SUPT7L: variants seen among roughly 807,000 people sequenced by gnomAD.
SUPT7L encodes STAGA complex 65 subunit gamma.
A neutral mutation model predicts 35.7 loss-of-function variants in SUPT7L; 15 were observed. The ratio of observed to expected loss-of-function variants is 0.42; its 90% confidence interval spans 0.28 to 0.65. The LOEUF (loss-of-function observed/expected upper bound fraction) is 0.65. Among genes scored for constraint, SUPT7L ranks in the 30% least tolerant of loss-of-function variants. The pLI is 0.23. For synonymous variants in SUPT7L, 168 were observed against 186.2 expected, an observed-to-expected ratio of 0.90 and a Z score of 0.79; for missense variants, 434 against 522.2, an observed-to-expected ratio of 0.83 and a Z score of 1.65.
downstream of SUPT7L, among the ~76,000 whole-genome samples, chr2:27,649,781 T>C (rs1288945582): frequency 1.3e-5 from 2 of 152,224 alleles, no homozygotes; most frequent in South Asian, 2.1e-4. Context: ...TGGACTGATA[T>C]TTGGGTAGAT....
At chr2:27,643,145 G>GT in the SUPT7L span, among the ~76,000 whole-genome samples, 13 of 148,590 alleles carry the variant, frequency 8.7e-5, no homozygotes, top group African/African-American at 3.2e-4. The surrounding 1 kb of genome is among the most constrained non-coding windows in gnomAD (Gnocchi z 4.0). Flanking sequence ...GGTTTTTTTT[G>GT]TTTGTTTCTA....
At chr2:27,656,479 G>A (rs763007698) in intron 4 of SUPT7L, among the ~76,000 whole-genome samples, 7 of 152,118 alleles carry the variant, frequency 4.6e-5, no homozygotes, top group Non-Finnish European at 7.3e-5. Flanking sequence ...GTCTTGCTAT[G>A]TTGCCCAGGC....
rs773451475 is a variant in SUPT7L, at chr2:27,657,541, G to A, written c.548C>T (p.Thr183Ile). The change falls in exon 4 of 6, where the codon ACT becomes ATT. Residue 183 changes from threonine to isoleucine, a missense_variant. By Grantham distance (89) the Thr-to-Ile change is moderately conservative (BLOSUM62 -1). Transcript: ENST00000337768. This position sits in a 1 kb window ranked among gnomAD's most constrained non-coding sequence, Gnocchi z 5.2. Reference sequence around the variant, plus strand: ...AAGGCAATACTCATGTGCCACATCAGTTAGGGTCTCCAGGACACTCTCATT... The same window carrying A: ...AAGGCAATACTCATGTGCCACATCAATTAGGGTCTCCAGGACACTCTCATT... ...CANESVLETL[T>I]DVAHEYCLKF... 13 of 1,614,144 alleles carry A rather than the reference G, an allele frequency of 8.1e-6. No individual in the cohort carries two copies. Among genetic ancestry groups the A allele is most frequent in the African/African-American group, 1.3e-5 (1 of 74,956 alleles).
At chr2:27,658,811 T>A (rs905763562) in intron 3 of SUPT7L, among the ~76,000 whole-genome samples, 4 of 152,244 alleles carry the variant, frequency 2.6e-5, no homozygotes, top group Admixed American at 2.0e-4. Context: ...AAAGGCCTCA[T>A]AAGTACCTAA....
At chr2:27,646,149 G>A (rs1674217117), downstream of SUPT7L, among the ~76,000 whole-genome samples, 1 of 152,050 alleles carries the variant, frequency 6.6e-6, no homozygotes, top group Admixed American at 6.5e-5. Context: ...TCAAGCGATT[G>A]TTGTGCCTCA....
rs1674565545 is a variant in SUPT7L, at chr2:27,651,753, A to ATGTT, written c.*1728_*1731dup. On this transcript the variant is annotated 3_prime_UTR_variant, in exon 6 of 6. Transcript: ENST00000337768. ...GGACCTAGCAAATAATTGGTACTCAATGTTTGCTGGATGAATGAACTAAAT... is the reference window on the plus strand; with the variant it reads ...GGACCTAGCAAATAATTGGTACTCAATGTTTGTTTGCTGGATGAATGAACTAAAT... 1 of 152,236 alleles carries ATGTT rather than the reference A, an allele frequency of 6.6e-6. No individual in the cohort carries two copies. Among genetic ancestry groups the ATGTT allele is most frequent in the African/African-American group, 2.4e-5 (1 of 41,468 alleles). 9.4% of individuals were successfully genotyped at this position (152,236 alleles called of 1,614,324 possible). A position where few individuals can be genotyped will look rare whatever the true frequency, so the allele number is the denominator to read the frequency against.
chr2:27,647,351 C>G (rs1674286064), downstream of SUPT7L, among the ~76,000 whole-genome samples: 1 of 152,132 alleles, frequency 6.6e-6, no homozygotes, highest in Non-Finnish European at 1.5e-5. Flanking sequence ...TTTTTCCCCT[C>G]CCTCCTCTTC....
chr2:27,648,281 A>C (rs1253807231), downstream of SUPT7L, among the ~76,000 whole-genome samples: 1 of 152,160 alleles, frequency 6.6e-6, no homozygotes, highest in Admixed American at 6.5e-5. Flanking sequence ...CTGCTTTGGG[A>C]GGCCAAGTCA....
rs991538706 is a variant in SUPT7L at position 27,653,325 on chromosome 2, T to A, written c.*160A>T. On this transcript the variant is annotated 3_prime_UTR_variant, in exon 6 of 6. Transcript: ENST00000337768. ...ATAAAAACTGGATGCAAAAGTAAAA[T>A]GCAACCTTGTTTGGTGACGTCCAGT... 104 of 1,056,908 alleles carry A rather than the reference T, an allele frequency of 9.8e-5. No individual in the cohort carries two copies. The highest frequency in any genetic ancestry group is 1.3e-4 in the Non-Finnish European group (100 of 748,986). The allele number at this position is 1,056,908 out of a possible 1,614,324, so 65.5% of individuals were successfully genotyped here. A position where few individuals can be genotyped will look rare whatever the true frequency, so the allele number is the denominator to read the frequency against.
chr2:27,655,679 A>G, intron 4 of SUPT7L, 77 bp from the exon 5 acceptor site: 1 of 1,230,564 alleles, frequency 8.1e-7, no homozygotes, highest in Non-Finnish European at 1.1e-6. Context: ...CGTCCCATGG[A>G]AAAGCCAACA....
At chr2:27,649,845 A>G (rs2148097195), downstream of SUPT7L, among the ~76,000 whole-genome samples, 1 of 152,314 alleles carries the variant, frequency 6.6e-6, no homozygotes, top group East Asian at 1.9e-4. Flanking sequence ...ATCTTTGTGT[A>G]GACGTATGTT....
Position 27,661,819 on chromosome 2 carries a change from A to C in SUPT7L, c.14+360T>G, listed in dbSNP as rs1675124318. The stretch of plus-strand genomic sequence containing the variant: ...TCCTGAACAATAAGCAAGGCATGAT[A>C]AGGTATCTTGATACATCTGTGCTGG... On this transcript the variant is annotated intron_variant, in intron 2 of 5. Transcript: ENST00000337768. The C allele has an allele frequency of 7.7e-6, 3 of 390,546 alleles. No individual in the cohort carries two copies. In the East Asian group the frequency reaches 1.9e-4, roughly 24 times the overall value. The allele number at this position is 390,546 out of a possible 1,614,324, so 24.2% of individuals were successfully genotyped here. A position where few individuals can be genotyped will look rare whatever the true frequency, so the allele number is the denominator to read the frequency against.
intron 2 of SUPT7L, chr2:27,661,639 GTTATTGTCATAC>G: frequency 7.4e-7 from 1 of 1,348,786 alleles, no homozygotes; most frequent in East Asian, 3.1e-5. Context: ...TTAGATGCTG[GTTATTGTCATAC>G]TATGACAATT....
chr2:27,662,668 A>C (rs1675170407), intron 1 of SUPT7L, among the ~76,000 whole-genome samples: 1 of 152,194 alleles, frequency 6.6e-6, no homozygotes, highest in Non-Finnish European at 1.5e-5. Context: ...ACTTATCGCA[A>C]TAGATTTTTT....
intron 3 of SUPT7L, among the ~76,000 whole-genome samples, chr2:27,658,939 T>A (rs556477948): frequency 6.6e-6 from 1 of 152,352 alleles, no homozygotes; most frequent in African/African-American, 2.4e-5. Context: ...TTATACAGTT[T>A]CCTAAATATG....
rs1379417732 is a variant in SUPT7L at position 27,651,558 on chromosome 2, T to C, written c.*1927A>G. On this transcript the variant is annotated 3_prime_UTR_variant, in exon 6 of 6. Transcript: ENST00000337768. The stretch of plus-strand genomic sequence containing the variant: ...TAGTGGGAACCACTGGTCTCAAAAT[T>C]TGAAGCTATTCTTTAAGAGGAGAAC... 2.6e-5 allele frequency: 4 copies of C among 152,266 alleles called. No individual in the cohort carries two copies. In the East Asian group the frequency reaches 5.8e-4, roughly 22 times the overall value. The allele number at this position is 152,266 out of a possible 1,614,324, so 9.4% of individuals were successfully genotyped here.
At chr2:27,658,759 A>G (rs1674914176) in intron 3 of SUPT7L, among the ~76,000 whole-genome samples, 1 of 152,186 alleles carries the variant, frequency 6.6e-6, no homozygotes, top group Non-Finnish European at 1.5e-5. Context: ...TTCATTTACT[A>G]TCTTCATCAT....
downstream of SUPT7L, chr2:27,650,791 TAATG>T (rs2148100071): frequency 6.5e-6 from 1 of 152,920 alleles, no homozygotes; most frequent in South Asian, 2.1e-4. Context: ...AAGACATGAT[TAATG>T]AATCAGAATC....
chr2:27,655,579 T>G lies in SUPT7L; in HGVS notation c.768A>C (p.Glu256Asp), dbSNP rs746021382. Residue 256 changes from glutamate (E) to aspartate (D), a missense_variant, in exon 5 of 6, where the codon GAA becomes GAC. Around this residue, in one of 3 missense-constraint regions of SUPT7L, gnomAD observed 159 missense variants for 217.1 expected, o/e 0.73. Coordinates refer to ENST00000337768, the MANE Select transcript of SUPT7L (RefSeq NM_014860.3). Reference sequence around the variant, plus strand: ...TCTCAGGATTGACAATCCTTTCATATTCTTCAGAGAGTTGCTTACTAATCT... The same window carrying G: ...TCTCAGGATTGACAATCCTTTCATAGTCTTCAGAGAGTTGCTTACTAATCT... ...MLQISKQLSEEYERIVNPEKA... is the reference protein window; with the variant it reads ...MLQISKQLSEDYERIVNPEKA... The G allele has an allele frequency of 5.6e-6, 9 of 1,602,198 alleles. No homozygotes were observed. Among genetic ancestry groups the G allele is most frequent in the African/African-American group, 1.3e-5 (1 of 74,352 alleles).
Sources: gnomAD v4.1 joint callset for allele counts (sites outside exome capture counted in the v4.1 genomes callset) on GRCh38, gnomAD v4.1.1 for gene constraint, gnomAD v4.1.1 regional missense constraint, Gnocchi (gnomAD v3.1) non-coding constraint, MANE v1.5 for transcripts, NCBI Gene and HGNC (gene_info 2026-07-23, HGNC 2026-07-21) for gene names.